Variants in PEBP4 observed in about 807,000 individuals in gnomAD.
The protein encoded by PEBP4 is phosphatidylethanolamine binding protein 4.
In PEBP4, 22 loss-of-function variants were observed where a neutral mutation model predicts 23.9. The ratio of observed to expected loss-of-function variants is 0.92; its 90% confidence interval spans 0.66 to 1.31. The LOEUF (loss-of-function observed/expected upper bound fraction) is 1.31, where lower values mean the gene tolerates loss of function less well. PEBP4 is among the 40% of genes most tolerant of loss of function. PEBP4 has a pLI of 0.00. For missense variants in PEBP4, 324 were observed against 281.7 expected, an observed-to-expected ratio of 1.15 and a Z score of -1.07; for synonymous variants, 112 against 99.3, an observed-to-expected ratio of 1.13 and a Z score of -0.76.
intron 4 of PEBP4, among the ~76,000 whole-genome samples, chr8:22,795,657 G>T (rs4872023): frequency 0.59 from 90,377 of 151,954 alleles, 26,981 homozygotes; most frequent in South Asian, 0.71. Flanking sequence ...ATTCCTTTTT[G>T]GTCAATAAGG....
intron 3 of PEBP4, among the ~76,000 whole-genome samples, chr8:22,851,342 A>T (rs1227453533): frequency 6.6e-6 from 1 of 152,168 alleles, no homozygotes; most frequent in Non-Finnish European, 1.5e-5. Context: ...GTGACTTTGC[A>T]TTCCAGTTCC....
intron 3 of PEBP4, among the ~76,000 whole-genome samples, chr8:22,834,188 A>C (rs1436883673): frequency 7.2e-5 from 11 of 152,152 alleles, no homozygotes; most frequent in Admixed American, 2.0e-4. Context: ...TTGCCATACA[A>C]ATTTAGCCCA....
intron 3 of PEBP4, chr8:22,879,429 T>G (rs1262200437): frequency 6.6e-6 from 1 of 152,188 alleles, no homozygotes. Flanking sequence ...AGATGAGATT[T>G]CAAGCCAGTG....
At chr8:22,798,164 G>C (rs1468174598) in intron 4 of PEBP4, among the ~76,000 whole-genome samples, 1 of 152,116 alleles carries the variant, frequency 6.6e-6, no homozygotes, top group Non-Finnish European at 1.5e-5. Flanking sequence ...AGATAGGAGG[G>C]GGTCCTAGGT....
At chr8:22,874,505 C>T (rs1361431396) in intron 3 of PEBP4, among the ~76,000 whole-genome samples, 1 of 152,172 alleles carries the variant, frequency 6.6e-6, no homozygotes, top group African/African-American at 2.4e-5. Flanking sequence ...CTGTCTCTTG[C>T]CAGCCCCCAA....
intron 3 of PEBP4, among the ~76,000 whole-genome samples, chr8:22,859,381 T>C (rs1807719397): frequency 6.6e-6 from 1 of 152,206 alleles, no homozygotes; most frequent in Non-Finnish European, 1.5e-5. Flanking sequence ...TGGAATCTCA[T>C]TAGTTTCCCT....
intron 4 of PEBP4, among the ~76,000 whole-genome samples, chr8:22,734,215 C>T (rs575693846): frequency 6.6e-6 from 1 of 152,332 alleles, no homozygotes; most frequent in Admixed American, 6.5e-5. Flanking sequence ...CCAGGGGCCG[C>T]CTAACGCCAG....
chr8:22,819,528 T>G (rs1806813962), intron 3 of PEBP4, among the ~76,000 whole-genome samples: 1 of 152,064 alleles, frequency 6.6e-6, no homozygotes, highest in South Asian at 2.1e-4. Context: ...AAAGGGAAAT[T>G]TTGGTAGGAA....
intron 4 of PEBP4, among the ~76,000 whole-genome samples, chr8:22,808,112 A>C (rs1183149848): frequency 6.7e-6 from 1 of 150,264 alleles, no homozygotes. Flanking sequence ...TCAGCTATCC[A>C]CCCACCTACC....
At chr8:22,785,747 C>A (rs1372278717) in intron 4 of PEBP4, among the ~76,000 whole-genome samples, 1 of 152,182 alleles carries the variant, frequency 6.6e-6, no homozygotes, top group Non-Finnish European at 1.5e-5. Context: ...CCGGAGAGGC[C>A]ACCTCAGTCT....
At chr8:22,890,844 T>G (rs765529588) in intron 3 of PEBP4, among the ~76,000 whole-genome samples, 1 of 152,202 alleles carries the variant, frequency 6.6e-6, no homozygotes, top group Non-Finnish European at 1.5e-5. Context: ...TTTTTTTTAT[T>G]TGAGATGGAG....
chr8:22,874,437 C>T (rs751961799), intron 3 of PEBP4, among the ~76,000 whole-genome samples: 9 of 152,066 alleles, frequency 5.9e-5, no homozygotes, highest in Non-Finnish European at 7.4e-5. Flanking sequence ...TAACTGCATC[C>T]GTTAAAAAAG....
At chr8:22,791,888 AATCTGTCT>A (rs1554486001) in intron 4 of PEBP4, among the ~76,000 whole-genome samples, 1 of 151,898 alleles carries the variant, frequency 6.6e-6, no homozygotes, top group Non-Finnish European at 1.5e-5. Flanking sequence ...ACAGGGTCTC[AATCTGTCT>A]CCCAGGCTGG....
intron 3 of PEBP4, among the ~76,000 whole-genome samples, chr8:22,858,446 G>C (rs1023414667): frequency 2.6e-5 from 4 of 152,186 alleles, no homozygotes; most frequent in African/African-American, 9.7e-5. Context: ...TATCCTCACT[G>C]TCAAATGCTT....
Position 22,749,805 on chromosome 8 carries a change from C to CTTTTTTTTTTTTTTTTTTTTTTTTTT in PEBP4, c.358-22586_358-22585insAAAAAAAAAAAAAAAAAAAAAAAAAA. Among the ~76,000 whole-genome samples, 167 of 83,742 alleles carry CTTTTTTTTTTTTTTTTTTTTTTTTTT rather than the reference C, an allele frequency of 2.0e-3. 34 individuals are homozygous for CTTTTTTTTTTTTTTTTTTTTTTTTTT. Among genetic ancestry groups the CTTTTTTTTTTTTTTTTTTTTTTTTTT allele is most frequent in the Non-Finnish European group, 3.2e-3 (133 of 41,240 alleles). 54.9% of individuals were successfully genotyped at this position (83,742 alleles called of 152,430 possible). A position where few individuals can be genotyped will look rare whatever the true frequency, so the allele number is the denominator to read the frequency against. Reference sequence around the variant, plus strand: ...CTCTCCTGATTCTCAGTTTGTCATTCTTTTTTTTTTTTTTTTTTGAGATGG... The same window carrying CTTTTTTTTTTTTTTTTTTTTTTTTTT: ...CTCTCCTGATTCTCAGTTTGTCATTCTTTTTTTTTTTTTTTTTTTTTTTTTTTTTTTTTTTTTTTTTTTTGAGATGG... On this transcript the variant is annotated intron_variant, in intron 4 of 6. Coordinates refer to ENST00000256404, the MANE Select transcript of PEBP4 (RefSeq NM_144962.3).
chr8:22,760,994 A>C (rs1805496238), intron 4 of PEBP4, among the ~76,000 whole-genome samples: 1 of 152,196 alleles, frequency 6.6e-6, no homozygotes, highest in African/African-American at 2.4e-5. Context: ...TGACTCTGTC[A>C]TAGTAGCCTG....
intron 1 of PEBP4, among the ~76,000 whole-genome samples, chr8:22,937,905 C>T (rs1423194614): frequency 3.9e-5 from 6 of 151,986 alleles, no homozygotes; most frequent in Non-Finnish European, 5.9e-5. Flanking sequence ...AAGGTGGATC[C>T]TTGCTTTACA....
At chr8:22,879,598 G>A (rs1407085751) in intron 3 of PEBP4, among the ~76,000 whole-genome samples, 1 of 152,158 alleles carries the variant, frequency 6.6e-6, no homozygotes, top group Non-Finnish European at 1.5e-5. Flanking sequence ...GCTAATTGGA[G>A]GCAGAGCCAG....
chr8:22,731,271 A>G (rs1321640999), intron 4 of PEBP4, among the ~76,000 whole-genome samples: 1 of 152,008 alleles, frequency 6.6e-6, no homozygotes, highest in Non-Finnish European at 1.5e-5. Flanking sequence ...CTGCCACCCC[A>G]AGACAGCAAG....
Sources: allele counts gnomAD v4.1 joint callset (sites outside exome capture counted in the v4.1 genomes callset), GRCh38; gene constraint gnomAD v4.1.1; transcripts MANE v1.5; gene names NCBI Gene and HGNC (gene_info 2026-07-23, HGNC 2026-07-21).